The following ESRP1 variants were observed in gnomAD, a reference collection of about 807,000 sequenced individuals.
ESRP1 encodes RNA-binding motif protein 35A.
In ESRP1, 33 loss-of-function variants were observed where a neutral mutation model predicts 81.7. The ratio of observed to expected loss-of-function variants is 0.40; its 90% CI spans 0.31 to 0.54. The LOEUF is 0.54. Among genes scored for constraint, ESRP1 ranks in the 20% least tolerant of loss-of-function variants. The pLI is 0.41. For synonymous variants in ESRP1, 320 were observed against 303.3 expected (o/e 1.06, Z -0.57); for missense variants, 672 against 833.1 (o/e 0.81, Z 2.38).
intron 10 of ESRP1, among the ~76,000 whole-genome samples, chr8:94,669,017 C>T (rs1247533955): frequency 6.6e-6 from 1 of 152,102 alleles, no homozygotes; most frequent in Non-Finnish European, 1.5e-5. Flanking sequence ...AACTCCTGAC[C>T]TCAGATGATC....
intron 4 of ESRP1, among the ~76,000 whole-genome samples, chr8:94,646,835 A>G (rs960942235): frequency 2.0e-5 from 3 of 152,232 alleles, no homozygotes; most frequent in Non-Finnish European, 4.4e-5. Context: ...CCAAAATAAT[A>G]TATTTGATGC....
chr8:94,645,548 T>C (rs1817804720), intron 3 of ESRP1, among the ~76,000 whole-genome samples: 1 of 152,180 alleles, frequency 6.6e-6, no homozygotes, highest in African/African-American at 2.4e-5. Context: ...CCTTTGCCTT[T>C]GGGATTTGTG....
chr8:94,692,308 G>A (rs933529042), intron 13 of ESRP1, among the ~76,000 whole-genome samples: 3 of 151,908 alleles, frequency 2.0e-5, no homozygotes, highest in African/African-American at 4.8e-5. Flanking sequence ...CTTTGTATAC[G>A]TGCCTCTTCA....
At chr8:94,683,882 C>T (rs1272227955) in intron 13 of ESRP1, among the ~76,000 whole-genome samples, 1 of 152,186 alleles carries the variant, frequency 6.6e-6, no homozygotes, top group Admixed American at 6.5e-5. Flanking sequence ...GGAAATGACC[C>T]TTTGCTAATG....
chr8:94,679,066 A>T (rs180951485), intron 13 of ESRP1, among the ~76,000 whole-genome samples: 1 of 152,316 alleles, frequency 6.6e-6, no homozygotes, highest in African/African-American at 2.4e-5. Context: ...TCTTGGACCT[A>T]ACCTGTCTGA....
intron 10 of ESRP1, among the ~76,000 whole-genome samples, chr8:94,671,007 T>A (rs1199952079): frequency 6.6e-6 from 1 of 152,212 alleles, no homozygotes; most frequent in Non-Finnish European, 1.5e-5. Context: ...ATGAAGGTAA[T>A]GAGGGGAATA....
At chr8:94,653,088 G>A (rs1818226271) in intron 4 of ESRP1, among the ~76,000 whole-genome samples, 1 of 152,028 alleles carries the variant, frequency 6.6e-6, no homozygotes, top group Non-Finnish European at 1.5e-5. Context: ...ATTTGTATGT[G>A]CTGTTTGACG....
At chr8:94,642,353 C>A (rs1287226596) in intron 2 of ESRP1, among the ~76,000 whole-genome samples, 1 of 152,230 alleles carries the variant, frequency 6.6e-6, no homozygotes, top group Non-Finnish European at 1.5e-5. Context: ...GGAGAGTCAG[C>A]TCCATTTTGC....
chr8:94,666,010 T>A (rs1375022779), intron 9 of ESRP1, among the ~76,000 whole-genome samples: 1 of 152,242 alleles, frequency 6.6e-6, no homozygotes, highest in Non-Finnish European at 1.5e-5. Context: ...TATCCAGTTA[T>A]TTAGTGATTA....
chr8:94,654,317 C>CA (rs1015205311), intron 4 of ESRP1, among the ~76,000 whole-genome samples: 6 of 151,996 alleles, frequency 3.9e-5, no homozygotes, highest in African/African-American at 1.4e-4. Flanking sequence ...GACTCCATCT[C>CA]AAAAAAATAA....
At chr8:94,684,198 G>C (rs1014856071) in intron 13 of ESRP1, among the ~76,000 whole-genome samples, 1 of 152,132 alleles carries the variant, frequency 6.6e-6, no homozygotes, top group Non-Finnish European at 1.5e-5. Context: ...ACATAAATTT[G>C]CCAGGTATTT....
chr8:94,699,753 A>G (rs969798915), intron 15 of ESRP1, among the ~76,000 whole-genome samples: 1 of 152,184 alleles, frequency 6.6e-6, no homozygotes, highest in African/African-American at 2.4e-5. Flanking sequence ...TGCTCATTGC[A>G]AAGAATTTGG....
intron 13 of ESRP1, among the ~76,000 whole-genome samples, chr8:94,688,041 G>A (rs1809212570): frequency 6.6e-6 from 1 of 152,116 alleles, no homozygotes; most frequent in Non-Finnish European, 1.5e-5. Flanking sequence ...TTCGATCTGA[G>A]TTCATTTTTT....
Position 94,641,443 on chromosome 8 carries a change from A to T in ESRP1, c.125A>T (p.Asn42Ile), listed in dbSNP as rs1817583311. 1.2e-6 allele frequency: 2 copies of T among 1,613,748 alleles called. No homozygotes were observed. Among genetic ancestry groups the T allele is most frequent in the Non-Finnish European group, 1.7e-6 (2 of 1,179,862 alleles). The change falls in exon 1 of 16, where the codon AAC becomes ATC. Residue 42 changes from asparagine to isoleucine, a missense_variant. Transcript: ENST00000433389. ...LLFWKVVDLANKKVGQLHEVL... is the reference protein window; with the variant it reads ...LLFWKVVDLAIKKVGQLHEVL... ...TTCTGGAAAGTCGTGGATCTGGCCAACAAGAAGGTATTTCTCCACATTTTC... is the reference window on the plus strand; with the variant it reads ...TTCTGGAAAGTCGTGGATCTGGCCATCAAGAAGGTATTTCTCCACATTTTC...
intron 4 of ESRP1, among the ~76,000 whole-genome samples, chr8:94,658,154 C>A (rs1586191482): frequency 6.6e-6 from 1 of 152,290 alleles, no homozygotes; most frequent in African/African-American, 2.4e-5. Flanking sequence ...TCCAAGTGAT[C>A]CACCCACCTC....
chr8:94,668,737 A>G (rs934001229), intron 10 of ESRP1, among the ~76,000 whole-genome samples: 3 of 148,870 alleles, frequency 2.0e-5, no homozygotes, highest in African/African-American at 2.5e-5. Flanking sequence ...AAAAGGCTTC[A>G]TCGGTTTCAT....
intron 13 of ESRP1, among the ~76,000 whole-genome samples, chr8:94,689,919 C>G (rs1385357730): frequency 6.7e-6 from 1 of 150,230 alleles, no homozygotes; most frequent in Non-Finnish European, 1.5e-5. Flanking sequence ...CAGGTTCATG[C>G]CATTCTCCTG....
At chr8:94,679,024 C>G (rs1301503637) in intron 13 of ESRP1, among the ~76,000 whole-genome samples, 1 of 152,152 alleles carries the variant, frequency 6.6e-6, no homozygotes, top group Admixed American at 6.5e-5. Flanking sequence ...GGAGTACATG[C>G]ACGAGCATGT....
intron 15 of ESRP1, among the ~76,000 whole-genome samples, chr8:94,700,965 G>GTA (rs1563552441): frequency 4.7e-4 from 68 of 145,970 alleles, no homozygotes; most frequent in African/African-American, 1.7e-3. Flanking sequence ...GTGTGTGTGT[G>GTA]TGTGTGTGTG....
Sources: allele counts gnomAD v4.1 joint callset (sites outside exome capture counted in the v4.1 genomes callset), GRCh38; gene constraint gnomAD v4.1.1; transcripts MANE v1.5; gene names NCBI Gene and HGNC (gene_info 2026-07-23, HGNC 2026-07-21).